FAM149A: variants seen among roughly 807,000 people sequenced by gnomAD.
FAM149A encodes protein FAM149A.
In FAM149A, 71 loss-of-function variants were observed where a neutral mutation model predicts 78.2. That is an observed-to-expected ratio of 0.91 (90% CI 0.75 to 1.11). The LOEUF is 1.11. Among genes scored for constraint, FAM149A ranks in the 50% least tolerant of loss-of-function variants. The pLI is 0.00. For synonymous variants in FAM149A, 446 were observed against 410.5 expected (o/e 1.09, Z -1.04); for missense variants, 1,036 against 971.0 (o/e 1.07, Z -0.89).
chr4:186,169,715 A>G (rs1242448040), intron 13 of FAM149A: 12 of 985,288 alleles, frequency 1.2e-5, no homozygotes, highest in Non-Finnish European at 1.3e-5. Flanking sequence ...TAGAGCTGGT[A>G]TCGGGGGACT....
Position 186,164,316 on chromosome 4 carries a change from C to T in FAM149A, c.1889+683C>T, listed in dbSNP as rs1734843311. Reference sequence around the variant, plus strand: ...CCCAAATCTGAGATGAGGGAACAGGCTAAGCCTGCCGGAGATCATCCCCGC... The same window carrying T: ...CCCAAATCTGAGATGAGGGAACAGGTTAAGCCTGCCGGAGATCATCCCCGC... On this transcript the variant is annotated intron_variant, in intron 10 of 13. Coordinates refer to ENST00000389354, the MANE Select transcript of FAM149A (RefSeq NM_001367768.3). The surrounding 1 kb of genome is among the most constrained non-coding windows in gnomAD (Gnocchi z 4.0). 5.0e-6 allele frequency: 1 copy of T among 198,424 alleles called. No individual in the cohort carries two copies. The highest frequency in any genetic ancestry group is 1.7e-4 in the South Asian group (1 of 5,786). 12.3% of individuals were successfully genotyped at this position (198,424 alleles called of 1,614,324 possible). A position where few individuals can be genotyped will look rare whatever the true frequency, so the allele number is the denominator to read the frequency against.
intron 1 of FAM149A, chr4:186,125,693 A>T: frequency 1.0e-6 from 1 of 984,544 alleles, no homozygotes; most frequent in Non-Finnish European, 1.2e-6. Context: ...GGGCTTAATA[A>T]ATGTTGGGGA....
At chr4:186,148,690 T>A (rs1026332684) in intron 1 of FAM149A, among the ~76,000 whole-genome samples, 1 of 152,216 alleles carries the variant, frequency 6.6e-6, no homozygotes, top group African/African-American at 2.4e-5. Flanking sequence ...TAAAGCAAGT[T>A]AGGTGTCTGT....
Position 186,143,774 on chromosome 4 carries a change from G to T in FAM149A, c.567-5399G>T, listed in dbSNP as rs1475075622. ...TTGAACTCCTGATCTCAAGTGATCC[G>T]CCCACCTCAGCCTTCCAAAGTGCTG... On this transcript the variant is annotated intron_variant, in intron 1 of 13. Coordinates refer to ENST00000389354, the MANE Select transcript of FAM149A (RefSeq NM_001367768.3). Among the ~76,000 whole-genome samples, 3 of 152,074 alleles carry T rather than the reference G, an allele frequency of 2.0e-5. No individual in the cohort carries two copies. In the East Asian group the frequency reaches 5.8e-4, roughly 29 times the overall value.
At chr4:186,136,986 C>CTCTCTCTCTCTCTCTT in intron 1 of FAM149A, among the ~76,000 whole-genome samples, 1 of 122,264 alleles carries the variant, frequency 8.2e-6, no homozygotes, top group African/African-American at 3.1e-5. Context: ...TTCTCTCTCT[C>CTCTCTCTCTCTCTCTT]TCTCTCTCTC....
At position 186,167,156 on chromosome 4, in the gene FAM149A, G is replaced by T. The variant is rs777263636; in HGVS notation, c.2140-28G>T. ...AAAACATTTGAAAAAAATGAAACTT[G>T]TCCCTGATTTTATTTTTCTTCCAGC... On this transcript the variant is annotated intron_variant, in intron 12 of 13. Coordinates refer to ENST00000389354, the MANE Select transcript of FAM149A (RefSeq NM_001367768.3). 3.7e-6 allele frequency: 6 copies of T among 1,606,484 alleles called. No individual in the cohort carries two copies. The Admixed American group carries it at 1.0e-4, about 27-fold the overall frequency.
intron 1 of FAM149A, among the ~76,000 whole-genome samples, chr4:186,106,882 G>A (rs148280901): frequency 0.029 from 4,421 of 152,200 alleles, 229 homozygotes; most frequent in African/African-American, 0.097. Flanking sequence ...CCCGGGAGGC[G>A]GAGCTTGCAG....
rs1561423357 is a variant in FAM149A at position 186,173,351 on chromosome 4, TTTTTC to T, written c.*1374_*1378del. On this transcript the variant is annotated 3_prime_UTR_variant, in exon 14 of 14. Coordinates refer to ENST00000389354, the MANE Select transcript of FAM149A (RefSeq NM_001367768.3). ...CCTTGACTTTGCTGACTCCATTTCTTTTTTCTTTTCTTTTTTTTTGAAACGGAGTC... is the reference window on the plus strand; with the variant it reads ...CCTTGACTTTGCTGACTCCATTTCTTTTTTCTTTTTTTTTGAAACGGAGTC... Among the ~76,000 whole-genome samples the T allele has an allele frequency of 2.7e-5, 3 of 109,958 alleles. 1 individual carries two copies. The highest frequency in any genetic ancestry group is 4.5e-5 in the Non-Finnish European group (2 of 44,004). The allele number at this position is 109,958 out of a possible 152,430, so 72.1% of individuals were successfully genotyped here. A position where few individuals can be genotyped will look rare whatever the true frequency, so the allele number is the denominator to read the frequency against.
chr4:186,128,912 G>A (rs114786957), intron 1 of FAM149A, among the ~76,000 whole-genome samples: 6 of 151,436 alleles, frequency 4.0e-5, no homozygotes, highest in African/African-American at 4.9e-5. Context: ...CTGGGTATGC[G>A]TCTTATGTGT....
At chr4:186,165,520 A>G (rs2126539416) in intron 11 of FAM149A, 56 bp downstream of exon 11, 2 of 1,585,016 alleles carry the variant, frequency 1.3e-6, no homozygotes, top group South Asian at 2.2e-5. Flanking sequence ...ATTGGAAAAC[A>G]AACAAAAACA....
At position 186,140,346 on chromosome 4, in the gene FAM149A, G is replaced by A. The variant is rs185053754; in HGVS notation, c.567-8827G>A. On this transcript the variant is annotated intron_variant, in intron 1 of 13. Transcript: ENST00000389354. ...AGTGTCTTGCTTCGTCACCCAGGCTGGAGTACTGCAGCCTCCATCTCCGGG... is the reference window on the plus strand; with the variant it reads ...AGTGTCTTGCTTCGTCACCCAGGCTAGAGTACTGCAGCCTCCATCTCCGGG... Among the ~76,000 whole-genome samples, 499 of 151,936 alleles carry A rather than the reference G, an allele frequency of 3.3e-3. 3 individuals carry two copies. The highest frequency in any genetic ancestry group is 0.011 in the African/African-American group (476 of 41,406).
intron 1 of FAM149A, among the ~76,000 whole-genome samples, chr4:186,118,499 T>C (rs1172115623): frequency 6.6e-6 from 1 of 152,248 alleles, no homozygotes; most frequent in Admixed American, 6.5e-5. Flanking sequence ...TTTTGATTTT[T>C]ATTATGTTTT....
intron 8 of FAM149A, among the ~76,000 whole-genome samples, chr4:186,161,767 G>A (rs1320466920): frequency 5.9e-5 from 9 of 152,186 alleles, no homozygotes; most frequent in East Asian, 1.9e-4. Context: ...AAATACTCAA[G>A]GTGTTCTAGT....
rs955407917 is a variant in FAM149A at position 186,164,666 on chromosome 4, C to A, written c.1890-678C>A. Among the ~76,000 whole-genome samples, 1 of 152,156 alleles carries A rather than the reference C, an allele frequency of 6.6e-6. No homozygotes were observed. The highest frequency in any genetic ancestry group is 1.5e-5 in the Non-Finnish European group (1 of 68,034). On this transcript the variant is annotated intron_variant, in intron 10 of 13. Coordinates refer to ENST00000389354, the MANE Select transcript of FAM149A (RefSeq NM_001367768.3). This position sits in a 1 kb window ranked among gnomAD's most constrained non-coding sequence, Gnocchi z 4.0. ...AGCAGCACACGGTGCCAGTCAGCAA[C>A]ACATGGCAGGCTTTCTCCTCCTGCC...
At chr4:186,132,932 A>AC (rs1257250263) in intron 1 of FAM149A, 1 of 977,392 alleles carries the variant, frequency 1.0e-6, no homozygotes, top group East Asian at 1.1e-4. Flanking sequence ...TAAGCCCTGA[A>AC]CCCCCAGTGT....
At chr4:186,155,193 C>G (rs1345059354) in intron 6 of FAM149A, among the ~76,000 whole-genome samples, 2 of 152,094 alleles carry the variant, frequency 1.3e-5, no homozygotes, top group African/African-American at 4.8e-5. Flanking sequence ...GTGTCGATCT[C>G]CTGACCTCGT....
In FAM149A at chr4:186,109,978, T is replaced by C. The variant is rs563292134; in HGVS notation, c.566+4336T>C. On this transcript the variant is annotated intron_variant, in intron 1 of 13. Transcript: ENST00000389354. ...CATTTACCACTCTGGGATCAAACTT[T>C]TAATCTGCAGAATAATCAGTAGCAT... is the stretch of plus-strand genomic sequence containing the variant. The C allele has an allele frequency of 4.2e-3, 4,149 of 985,422 alleles. 14 individuals carry two copies. The highest frequency in any genetic ancestry group is 4.8e-3 in the Non-Finnish European group (3,987 of 829,922). 61.0% of individuals were successfully genotyped at this position (985,422 alleles called of 1,614,324 possible). A position where few individuals can be genotyped will look rare whatever the true frequency, so the allele number is the denominator to read the frequency against.
intron 4 of FAM149A, 60 bp from the exon 5 acceptor site, chr4:186,153,585 C>A: frequency 1.3e-6 from 2 of 1,572,404 alleles, no homozygotes; most frequent in Non-Finnish European, 1.7e-6. Flanking sequence ...CTTTTAAAAT[C>A]TCCAAACATT....
chr4:186,146,477 G>C, intron 1 of FAM149A: 2 of 985,364 alleles, frequency 2.0e-6, no homozygotes, highest in South Asian at 4.7e-5. Context: ...AGAGAGATGA[G>C]TTCCTCCGTT....
Sources: gnomAD v4.1 joint callset for allele counts (sites outside exome capture counted in the v4.1 genomes callset) on GRCh38, gnomAD v4.1.1 for gene constraint, Gnocchi (gnomAD v3.1) non-coding constraint, MANE v1.5 for transcripts, NCBI Gene and HGNC (gene_info 2026-07-23, HGNC 2026-07-21) for gene names.